ZDHHC14: variants seen among roughly 807,000 people sequenced by gnomAD.
ZDHHC14 encodes zDHHC palmitoyltransferase 14, also known as palmitoyltransferase ZDHHC14.
In ZDHHC14, 16 loss-of-function variants were observed where a neutral mutation model predicts 47.7. That is an observed-to-expected ratio of 0.34 (90% CI 0.23 to 0.51). The LOEUF is 0.51. ZDHHC14 is among the 20% of genes least tolerant of loss of function. The pLI, the probability that ZDHHC14 is intolerant of heterozygous loss-of-function variation, is 0.97. For synonymous variants in ZDHHC14, 293 were observed against 278.9 expected (o/e 1.05, Z -0.50); for missense variants, 515 against 662.5 (o/e 0.78, Z 2.44).
intron 2 of ZDHHC14, among the ~76,000 whole-genome samples, chr6:157,572,549 T>A (rs1471767991): frequency 6.6e-6 from 1 of 151,860 alleles, no homozygotes; most frequent in African/African-American, 2.4e-5. Context: ...AACGTGCAGG[T>A]TTGTTACATA....
At position 157,463,524 on chromosome 6, in the gene ZDHHC14, C is replaced by CA. The variant is rs1411988187; in HGVS notation, c.246-79060dup. On this transcript the variant is annotated intron_variant, in intron 1 of 8. Transcript: ENST00000359775. This position sits in a 1 kb window ranked among gnomAD's most constrained non-coding sequence, Gnocchi z 4.4. ...CCCAACTCTTCACCAGAGGGGTTGACAGTGACTGAGCCTACAGGAAGAATC... is the reference window on the plus strand; with the variant it reads ...CCCAACTCTTCACCAGAGGGGTTGACAAGTGACTGAGCCTACAGGAAGAATC... Among the ~76,000 whole-genome samples, 9 of 152,158 alleles carry CA rather than the reference C, an allele frequency of 5.9e-5. No homozygotes were observed. Among genetic ancestry groups the CA allele is most frequent in the Admixed American group, 2.0e-4 (3 of 15,280 alleles).
intron 8 of ZDHHC14, among the ~76,000 whole-genome samples, chr6:157,667,518 G>A (rs1222564148): frequency 4.6e-5 from 7 of 152,016 alleles, no homozygotes; most frequent in African/African-American, 1.7e-4. Context: ...CAATGGGGAA[G>A]AAGGATAGAG....
chr6:157,483,201 T>C (rs1210912734), intron 1 of ZDHHC14, among the ~76,000 whole-genome samples: 1 of 152,220 alleles, frequency 6.6e-6, no homozygotes, highest in African/African-American at 2.4e-5. Context: ...TCAAATACAG[T>C]GTGTTGTTGC....
chr6:157,536,831 T>TTCA (rs1458819170), intron 1 of ZDHHC14, among the ~76,000 whole-genome samples: 1 of 48,668 alleles, frequency 2.1e-5, no homozygotes. Context: ...TTTTTTTTTT[T>TTCA]TTTTTGAGAC....
chr6:157,606,459 T>TC, intron 3 of ZDHHC14, among the ~76,000 whole-genome samples: 1 of 151,854 alleles, frequency 6.6e-6, no homozygotes, highest in East Asian at 1.9e-4. Flanking sequence ...AGAGCAAAAC[T>TC]CCATCTCAAA....
At chr6:157,421,809 T>C (rs2114770933) in intron 1 of ZDHHC14, among the ~76,000 whole-genome samples, 2 of 152,200 alleles carry the variant, frequency 1.3e-5, no homozygotes, top group African/African-American at 4.8e-5. Context: ...GGTTTCACCA[T>C]GTTGGTCAGG....
At chr6:157,572,350 A>G (rs940098032) in intron 2 of ZDHHC14, among the ~76,000 whole-genome samples, 6 of 152,158 alleles carry the variant, frequency 3.9e-5, no homozygotes, top group Non-Finnish European at 7.3e-5. Context: ...ACTGCCCTAG[A>G]TGATCCCGAT....
At chr6:157,547,541 T>G (rs1467526201) in intron 2 of ZDHHC14, among the ~76,000 whole-genome samples, 1 of 150,890 alleles carries the variant, frequency 6.6e-6, no homozygotes, top group Non-Finnish European at 1.5e-5. Context: ...GATATCTTAA[T>G]TCTGTATTTA....
Position 157,673,506 on chromosome 6 carries a change from G to C in ZDHHC14, c.*384G>C. 1.1e-5 allele frequency: 2 copies of C among 188,318 alleles called. No homozygotes were observed. Among genetic ancestry groups the C allele is most frequent in the East Asian group, 1.3e-4 (1 of 7,826 alleles). The allele number at this position is 188,318 out of a possible 1,614,324, so 11.7% of individuals were successfully genotyped here. On this transcript the variant is annotated 3_prime_UTR_variant, in exon 9 of 9. Transcript: ENST00000359775. This position sits in a 1 kb window ranked among gnomAD's most constrained non-coding sequence, Gnocchi z 5.4. ...TGTTATGCTACTAATATTTGAAACA[G>C]ACCTGCCATTCCATTTGTTAATTAA...
Position 157,407,939 on chromosome 6 carries a change from A to G in ZDHHC14, c.245+25673A>G, listed in dbSNP as rs371021251. ...CAGGTTTTTAAAATGCGAGTCCTCT[A>G]TGCTCTTTTAAGTGCTGCCGTGTTG... is the stretch of plus-strand genomic sequence containing the variant. On this transcript the variant is annotated intron_variant, in intron 1 of 8. Transcript: ENST00000359775. 8.5e-4 allele frequency among the ~76,000 whole-genome samples: 129 copies of G among 152,326 alleles called. 1 individual carries two copies. Among genetic ancestry groups the G allele is most frequent in the Middle Eastern group, 3.4e-3 (1 of 294 alleles).
intron 1 of ZDHHC14, among the ~76,000 whole-genome samples, chr6:157,452,084 C>G (rs1254249223): frequency 6.6e-6 from 1 of 152,142 alleles, no homozygotes; most frequent in African/African-American, 2.4e-5. Flanking sequence ...TATTGATAAC[C>G]TGGTCAGTGA....
At chr6:157,493,359 C>A (rs1034710672) in intron 1 of ZDHHC14, among the ~76,000 whole-genome samples, 1 of 152,196 alleles carries the variant, frequency 6.6e-6, no homozygotes, top group African/African-American at 2.4e-5. Flanking sequence ...GGCACAGGCC[C>A]GGGCTCCAGG....
intron 1 of ZDHHC14, among the ~76,000 whole-genome samples, chr6:157,436,691 G>A (rs1300484199): frequency 3.9e-5 from 6 of 152,236 alleles, no homozygotes; most frequent in Middle Eastern, 3.4e-3. Flanking sequence ...GGAGAGGGAC[G>A]AAGGCTTGAA....
chr6:157,435,894 T>G (rs1406769966), intron 1 of ZDHHC14, among the ~76,000 whole-genome samples: 1 of 152,144 alleles, frequency 6.6e-6, no homozygotes, highest in African/African-American at 2.4e-5. Context: ...GCAGAAAGCC[T>G]GGCACATAGC....
intron 1 of ZDHHC14, among the ~76,000 whole-genome samples, chr6:157,385,050 G>A (rs1432920139): frequency 6.6e-6 from 1 of 152,212 alleles, no homozygotes; most frequent in African/African-American, 2.4e-5. Flanking sequence ...CCAAAGTGCT[G>A]GGATTATAGG....
chr6:157,647,550 T>G (rs1294940003), intron 7 of ZDHHC14, among the ~76,000 whole-genome samples, 182 bp downstream of exon 7: 1 of 152,218 alleles, frequency 6.6e-6, no homozygotes, highest in Non-Finnish European at 1.5e-5. Context: ...ACTTCACACC[T>G]TTTTTGATCT....
intron 3 of ZDHHC14, among the ~76,000 whole-genome samples, chr6:157,622,265 C>G (rs1018518430): frequency 3.3e-5 from 5 of 150,848 alleles, no homozygotes; most frequent in African/African-American, 1.2e-4. Flanking sequence ...GCGTGCATGC[C>G]TATAGTCCCA....
intron 1 of ZDHHC14, among the ~76,000 whole-genome samples, chr6:157,420,579 A>T (rs973478782): frequency 1.3e-5 from 2 of 152,034 alleles, no homozygotes; most frequent in African/African-American, 4.8e-5. Flanking sequence ...GAAGGAGAGG[A>T]GGTGTAGTCA....
chr6:157,462,700 T>C (rs1779119045), intron 1 of ZDHHC14, among the ~76,000 whole-genome samples: 1 of 152,222 alleles, frequency 6.6e-6, no homozygotes, highest in Non-Finnish European at 1.5e-5. Context: ...CCCTTAGCTG[T>C]CTGCTCCTTA....
Sources: allele counts gnomAD v4.1 joint callset (sites outside exome capture counted in the v4.1 genomes callset), GRCh38; gene constraint gnomAD v4.1.1; non-coding constraint Gnocchi (gnomAD v3.1); transcripts MANE v1.5; gene names NCBI Gene and HGNC (gene_info 2026-07-23, HGNC 2026-07-21).